The following ADGRV1 variants were observed in gnomAD, a reference collection of about 807,000 sequenced individuals.
The protein encoded by ADGRV1 is G-protein coupled receptor 98.
A neutral mutation model predicts 596.2 loss-of-function variants in ADGRV1; 359 were observed. The ratio of observed to expected loss-of-function variants is 0.60; its 90% confidence interval spans 0.55 to 0.66. The LOEUF (loss-of-function observed/expected upper bound fraction) is 0.66, where lower values mean the gene tolerates loss of function less well. ADGRV1 is among the 30% of genes least tolerant of loss of function. The pLI, the probability that ADGRV1 is intolerant of heterozygous loss-of-function variation, is 0.00. For synonymous variants in ADGRV1, 2,681 were observed against 2,679.2 expected (o/e 1.00, Z -0.02); for missense variants, 7,274 against 7,575.6 (o/e 0.96, Z 1.48).
At position 90,673,507 on chromosome 5, in the gene ADGRV1, A is replaced by C. The variant is rs114362193; in HGVS notation, c.4930-547A>C. ...GGACTGCTATAACAACATACCTTAC[A>C]CTGGGTAACTTATAAACAACAGAAA... On this transcript the variant is annotated intron_variant, in intron 22 of 89. Transcript: ENST00000405460. Among the ~76,000 whole-genome samples, 1,097 of 152,250 alleles carry C rather than the reference A, an allele frequency of 7.2e-3. 15 individuals carry two copies. Among genetic ancestry groups the C allele is most frequent in the African/African-American group, 0.025 (1,059 of 41,568 alleles).
intron 87 of ADGRV1, among the ~76,000 whole-genome samples, chr5:91,112,378 A>T (rs1378411958): frequency 6.6e-6 from 1 of 152,076 alleles, no homozygotes; most frequent in Non-Finnish European, 1.5e-5. Flanking sequence ...CTATGATCAC[A>T]TTTATTGCAT....
intron 83 of ADGRV1, among the ~76,000 whole-genome samples, chr5:90,904,709 T>G (rs1007860550): frequency 6.6e-6 from 1 of 152,098 alleles, no homozygotes; most frequent in African/African-American, 2.4e-5. Context: ...GTTGATTGTT[T>G]CCCTTGCTGT....
At chr5:90,951,066 G>A (rs1777023567) in intron 83 of ADGRV1, among the ~76,000 whole-genome samples, 1 of 152,132 alleles carries the variant, frequency 6.6e-6, no homozygotes. Flanking sequence ...AAGGGAAGCT[G>A]GTATGTAACT....
chr5:90,874,124 G>A (rs975590404), intron 83 of ADGRV1, among the ~76,000 whole-genome samples: 2 of 152,126 alleles, frequency 1.3e-5, no homozygotes, highest in Non-Finnish European at 2.9e-5. Flanking sequence ...CTCAGGATCA[G>A]TCTCTGCCCA....
At chr5:91,052,604 T>C (rs931641219) in intron 85 of ADGRV1, among the ~76,000 whole-genome samples, 4 of 151,902 alleles carry the variant, frequency 2.6e-5, no homozygotes, top group Non-Finnish European at 4.4e-5. Flanking sequence ...CTGGCTAATT[T>C]TTGGATTTTT....
chr5:90,716,020 C>T (rs1561582461), intron 42 of ADGRV1, among the ~76,000 whole-genome samples: 2 of 152,158 alleles, frequency 1.3e-5, no homozygotes, highest in Non-Finnish European at 2.9e-5. Flanking sequence ...TTTTCTCTTA[C>T]ATTTTCTTAG....
chr5:90,986,869 C>A (rs565372005), intron 85 of ADGRV1, among the ~76,000 whole-genome samples: 1 of 152,116 alleles, frequency 6.6e-6, no homozygotes. Flanking sequence ...ACGAAGCAAG[C>A]CGTGGTGGCT....
chr5:90,907,101 A>G (rs981931055), intron 83 of ADGRV1, among the ~76,000 whole-genome samples: 3 of 152,162 alleles, frequency 2.0e-5, no homozygotes, highest in Admixed American at 6.6e-5. Flanking sequence ...AAATTAATCC[A>G]CATATTTGTT....
At chr5:90,688,162 T>C (rs991152091) in intron 29 of ADGRV1, among the ~76,000 whole-genome samples, 2 of 152,072 alleles carry the variant, frequency 1.3e-5, no homozygotes, top group African/African-American at 4.8e-5. Flanking sequence ...AAGGCTACAG[T>C]AACCAAAACA....
At chr5:90,604,628 G>C (rs540244832) in intron 1 of ADGRV1, among the ~76,000 whole-genome samples, 2 of 152,100 alleles carry the variant, frequency 1.3e-5, no homozygotes, top group African/African-American at 4.8e-5. Flanking sequence ...CCTTAAGACC[G>C]CTTCATAATA....
intron 50 of ADGRV1, among the ~76,000 whole-genome samples, chr5:90,730,922 T>C (rs1211378872): frequency 6.6e-6 from 1 of 152,196 alleles, no homozygotes; most frequent in Non-Finnish European, 1.5e-5. Context: ...TCTGTATGAA[T>C]TAAATGGCAC....
chr5:90,874,123 A>G (rs1288197756), intron 83 of ADGRV1, among the ~76,000 whole-genome samples: 2 of 152,160 alleles, frequency 1.3e-5, no homozygotes, highest in Non-Finnish European at 2.9e-5. Context: ...CCTCAGGATC[A>G]GTCTCTGCCC....
At chr5:90,736,517 A>AT (rs34092161) in intron 50 of ADGRV1, among the ~76,000 whole-genome samples, 1 of 151,946 alleles carries the variant, frequency 6.6e-6, no homozygotes, top group South Asian at 2.1e-4. Flanking sequence ...CTGTTCTTCA[A>AT]TTTTTTGGAG....
At chr5:91,013,804 T>G (rs1782923402) in intron 85 of ADGRV1, among the ~76,000 whole-genome samples, 1 of 152,070 alleles carries the variant, frequency 6.6e-6, no homozygotes, top group South Asian at 2.1e-4. Flanking sequence ...AGGGTGGTAT[T>G]GCCTAGGTGG....
intron 85 of ADGRV1, among the ~76,000 whole-genome samples, chr5:91,021,897 A>T (rs1335151946): frequency 4.6e-5 from 7 of 152,094 alleles, no homozygotes; most frequent in Non-Finnish European, 8.8e-5. Flanking sequence ...CTGTGAGCAA[A>T]GATATACATC....
chr5:90,589,768 G>A (rs920469362), intron 1 of ADGRV1, among the ~76,000 whole-genome samples: 5 of 152,080 alleles, frequency 3.3e-5, no homozygotes, highest in African/African-American at 9.7e-5. Context: ...TTGGTTCAGA[G>A]TTCTAATTTC....
intron 62 of ADGRV1, 62 bp downstream of exon 62, chr5:90,778,105 G>C (rs975595660): frequency 6.7e-7 from 1 of 1,484,402 alleles, no homozygotes; most frequent in Non-Finnish European, 9.1e-7. Context: ...GTGCACATGT[G>C]TGAGCATATG....
intron 83 of ADGRV1, among the ~76,000 whole-genome samples, chr5:90,916,631 A>ATTTTT (rs11407284): frequency 0.23 from 28,465 of 124,132 alleles, 3,812 homozygotes; most frequent in Non-Finnish European, 0.3. Context: ...GCGTTCACAA[A>ATTTTT]TTTTTTTTTT....
chr5:90,902,298 G>A (rs533338714), intron 83 of ADGRV1, among the ~76,000 whole-genome samples: 4 of 152,240 alleles, frequency 2.6e-5, no homozygotes, highest in South Asian at 2.1e-4. Context: ...GAAGGTTACA[G>A]ATTATACCTG....
Sources: allele counts gnomAD v4.1 joint callset (sites outside exome capture counted in the v4.1 genomes callset), GRCh38; gene constraint gnomAD v4.1.1; transcripts MANE v1.5; gene names NCBI Gene and HGNC (gene_info 2026-07-23, HGNC 2026-07-21).